OLA1: variants seen among roughly 807,000 people sequenced by gnomAD.
OLA1 encodes Obg like ATPase 1.
In OLA1, 14 loss-of-function variants were observed where a neutral mutation model predicts 48.4. The ratio of observed to expected loss-of-function variants is 0.29; its 90% confidence interval spans 0.19 to 0.45. The LOEUF is 0.45. OLA1 is among the 20% of genes least tolerant of loss of function. The pLI is 1.00. For synonymous variants in OLA1, 127 were observed against 150.4 expected, an observed-to-expected ratio of 0.84 and a Z score of 1.14; for missense variants, 325 against 467.1, an observed-to-expected ratio of 0.70 and a Z score of 2.80.
intron 7 of OLA1, among the ~76,000 whole-genome samples, chr2:174,103,123 T>C (rs1054007211): frequency 6.6e-6 from 1 of 152,104 alleles, no homozygotes; most frequent in Non-Finnish European, 1.5e-5. Flanking sequence ...GAAGAACTGA[T>C]GATGCAGGAG....
intron 2 of OLA1, 75 bp from the exon 3 acceptor site, chr2:174,229,526 T>C: frequency 1.9e-6 from 2 of 1,060,450 alleles, no homozygotes; most frequent in Non-Finnish European, 2.8e-6. Flanking sequence ...CTAATTTCAA[T>C]GCTCAAATAA....
intron 7 of OLA1, among the ~76,000 whole-genome samples, chr2:174,116,981 G>C (rs1281930842): frequency 1.3e-5 from 2 of 152,078 alleles, no homozygotes; most frequent in African/African-American, 4.8e-5. Context: ...TGTAAACAAA[G>C]AATGATTTAC....
chr2:174,128,702 A>G (rs1042160088), intron 5 of OLA1, among the ~76,000 whole-genome samples: 1 of 151,386 alleles, frequency 6.6e-6, no homozygotes, highest in Non-Finnish European at 1.5e-5. Flanking sequence ...GCACCACTGC[A>G]TTCCAGCCTG....
intron 4 of OLA1, among the ~76,000 whole-genome samples, chr2:174,157,625 A>G (rs1686917417): frequency 6.6e-6 from 1 of 152,230 alleles, no homozygotes; most frequent in South Asian, 2.1e-4. Context: ...TTAATCAGTC[A>G]AGTAAATGCC....
At chr2:174,153,861 C>T (rs1344719297) in intron 4 of OLA1, among the ~76,000 whole-genome samples, 1 of 152,076 alleles carries the variant, frequency 6.6e-6, no homozygotes, top group Non-Finnish European at 1.5e-5. Context: ...GCAAAATTAA[C>T]CAATGTTATT....
intron 7 of OLA1, among the ~76,000 whole-genome samples, chr2:174,101,779 T>C (rs1463571309): frequency 6.6e-6 from 1 of 152,084 alleles, no homozygotes; most frequent in Admixed American, 6.6e-5. Flanking sequence ...GCAGTGTAAC[T>C]GAAGAGGAAG....
chr2:174,108,124 AG>A (rs1205344559), intron 7 of OLA1, among the ~76,000 whole-genome samples: 2 of 152,162 alleles, frequency 1.3e-5, no homozygotes, highest in Non-Finnish European at 2.9e-5. Flanking sequence ...AAATAACAAA[AG>A]TATGTGAATA....
chr2:174,169,278 A>AG (rs2105404195), intron 4 of OLA1, among the ~76,000 whole-genome samples: 1 of 152,242 alleles, frequency 6.6e-6, no homozygotes, highest in East Asian at 1.9e-4. Flanking sequence ...CTAAAAGGAG[A>AG]GGGGAAAGAG....
Position 174,123,661 on chromosome 2 carries a change from T to A in OLA1, c.564A>T (p.Lys188Asn). 6.3e-7 allele frequency: 1 copy of A among 1,585,518 alleles called. No individual in the cohort carries two copies. The highest frequency in any genetic ancestry group is 8.6e-7 in the Non-Finnish European group (1 of 1,163,730). ...TTTGATCTATAACCCAGGATTTTACTTTGCACATTATATCCTACACATGAT... is the reference window on the plus strand; with the variant it reads ...TTTGATCTATAACCCAGGATTTTACATTGCACATTATATCCTACACATGAT... ...KLKPEYDIMC[K>N]VKSWVIDQKK... Residue 188 changes from lysine to asparagine, a missense_variant, in exon 6 of 11, where the codon AAA (lysine) becomes AAT (asparagine). By Grantham distance (94) the Lys-to-Asn change is moderately conservative. Coordinates refer to ENST00000284719, the MANE Select transcript of OLA1 (RefSeq NM_013341.5).
chr2:174,234,588 C>T (rs1267881484), intron 2 of OLA1, among the ~76,000 whole-genome samples: 2 of 152,110 alleles, frequency 1.3e-5, no homozygotes, highest in Non-Finnish European at 2.9e-5. Context: ...TTCAGCCTCT[C>T]AAGCAGCTGG....
chr2:174,128,969 C>G (rs527809427), intron 5 of OLA1, among the ~76,000 whole-genome samples: 1 of 152,100 alleles, frequency 6.6e-6, no homozygotes, highest in Middle Eastern at 3.4e-3. Flanking sequence ...GGCCATATTC[C>G]TCAAGATCTG....
intron 4 of OLA1, among the ~76,000 whole-genome samples, chr2:174,161,130 T>C (rs2105396270): frequency 6.6e-6 from 1 of 152,330 alleles, no homozygotes; most frequent in South Asian, 2.1e-4. Context: ...TTTCTTCATA[T>C]AAATTTTTAC....
At chr2:174,148,040 G>C (rs575283158) in intron 4 of OLA1, among the ~76,000 whole-genome samples, 45 of 152,254 alleles carry the variant, frequency 3.0e-4, no homozygotes, top group African/African-American at 1.1e-3. Context: ...GGCTGGTCTT[G>C]AATTCTGGCC....
At chr2:174,207,923 A>G (rs1049582305) in intron 4 of OLA1, among the ~76,000 whole-genome samples, 1 of 152,216 alleles carries the variant, frequency 6.6e-6, no homozygotes, top group Non-Finnish European at 1.5e-5. Flanking sequence ...ATGTGGACAG[A>G]AAATACAGTA....
chr2:174,104,917 A>G (rs1280726816), intron 7 of OLA1, among the ~76,000 whole-genome samples: 1 of 152,016 alleles, frequency 6.6e-6, no homozygotes, highest in Non-Finnish European at 1.5e-5. Flanking sequence ...AGAAAGATTC[A>G]GCAGTTCTCA....
rs1458532056 is a variant in OLA1, at chr2:174,149,916, C to G, written c.374-7916G>C. Among the ~76,000 whole-genome samples the G allele has an allele frequency of 3.3e-5, 5 of 152,280 alleles. No individual in the cohort carries two copies. The East Asian group carries it at 9.6e-4, about 29-fold the overall frequency. On this transcript the variant is annotated intron_variant, in intron 4 of 10. Transcript: ENST00000284719. The stretch of plus-strand genomic sequence containing the variant: ...TTTGGAAATTCAGGACTTCAGTGAA[C>G]CACTTTCCTATATTACTACATAAAC...
At chr2:174,086,244 C>T (rs1684973814) in intron 7 of OLA1, among the ~76,000 whole-genome samples, 1 of 152,094 alleles carries the variant, frequency 6.6e-6, no homozygotes, top group South Asian at 2.1e-4. Context: ...TGTTTGGAAG[C>T]AGGGAGGGGT....
chr2:174,142,081 G>T, intron 4 of OLA1, 81 bp from the exon 5 acceptor site: 1 of 1,207,770 alleles, frequency 8.3e-7, no homozygotes, highest in Non-Finnish European at 1.2e-6. Flanking sequence ...ATTCCTAGAA[G>T]GTTAACAAAT....
At chr2:174,169,703 A>G (rs1304187741) in intron 4 of OLA1, among the ~76,000 whole-genome samples, 1 of 152,240 alleles carries the variant, frequency 6.6e-6, no homozygotes, top group East Asian at 1.9e-4. Flanking sequence ...TGATAAGTAG[A>G]ACCTCAGATT....
Sources: gnomAD v4.1 joint callset for allele counts (sites outside exome capture counted in the v4.1 genomes callset) on GRCh38, gnomAD v4.1.1 for gene constraint, MANE v1.5 for transcripts, NCBI Gene and HGNC (gene_info 2026-07-23, HGNC 2026-07-21) for gene names.